The following LIPF variants were observed in gnomAD, a reference collection of about 807,000 sequenced individuals.
LIPF encodes lipase F, gastric type, also known as gastric triacylglycerol lipase.
A neutral mutation model predicts 38.0 loss-of-function variants in LIPF; 25 were observed. The ratio of observed to expected loss-of-function variants is 0.66; its 90% confidence interval spans 0.48 to 0.92. The LOEUF (loss-of-function observed/expected upper bound fraction) is 0.92, where lower values mean the gene tolerates loss of function less well. Among genes scored for constraint, LIPF ranks in the 40% least tolerant of loss-of-function variants. LIPF has a pLI of 0.00. For synonymous variants in LIPF, 161 were observed against 156.2 expected (o/e 1.03, Z -0.23); for missense variants, 410 against 469.9 (o/e 0.87, Z 1.18).
chr10:88,670,724 CG>C (rs1841583332), intron 5 of LIPF, among the ~76,000 whole-genome samples: 2 of 152,228 alleles, frequency 1.3e-5, no homozygotes, highest in Admixed American at 1.3e-4. Context: ...AAAGACTGTT[CG>C]GGGCTCTTTG....
chr10:88,673,704 T>C lies in LIPF; in HGVS notation c.786T>C (p.Ile262=), dbSNP rs1169887427. 6.2e-7 allele frequency: 1 copy of C among 1,613,568 alleles called. No individual in the cohort carries two copies. Among genetic ancestry groups the C allele is most frequent in the Non-Finnish European group, 8.5e-7 (1 of 1,179,628 alleles). Residue 262 remains isoleucine (I), a synonymous_variant, in exon 7 of 10, where the codon ATT becomes ATC. Coordinates refer to ENST00000238983, the MANE Select transcript of LIPF (RefSeq NM_004190.4). ...NLLCSNALFI[I]CGFDSKNFNT... ...TTTGCAGCAATGCCTTATTTATAATTTGTGGATTTGACAGTAAGAACTTTA... is the reference window on the plus strand; with the variant it reads ...TTTGCAGCAATGCCTTATTTATAATCTGTGGATTTGACAGTAAGAACTTTA...
At chr10:88,666,028 C>T (rs17333747) in intron 1 of LIPF, among the ~76,000 whole-genome samples, 296 of 152,232 alleles carry the variant, frequency 1.9e-3, no homozygotes, top group African/African-American at 6.8e-3. Flanking sequence ...TGAGCTACCG[C>T]GCTCTGCCAA....
chr10:88,668,147 G>A (rs532886471), intron 3 of LIPF, among the ~76,000 whole-genome samples: 2 of 151,882 alleles, frequency 1.3e-5, no homozygotes, highest in Non-Finnish European at 2.9e-5. Flanking sequence ...AACACATACA[G>A]GCTAATTTTC....
chr10:88,671,172 G>A (rs1025489637), intron 5 of LIPF, among the ~76,000 whole-genome samples: 12 of 152,070 alleles, frequency 7.9e-5, no homozygotes, highest in African/African-American at 2.4e-4. Flanking sequence ...ACTATGTATA[G>A]ATATTTGAAT....
chr10:88,676,638 A>C (rs1432445), intron 9 of LIPF, among the ~76,000 whole-genome samples: 78,745 of 152,094 alleles, frequency 0.52, 21,744 homozygotes, highest in African/African-American at 0.71. Context: ...CTGTTCATGG[A>C]ATTTCTGGTC....
At position 88,671,840 on chromosome 10, in the gene LIPF, T is replaced by G. The variant is rs750654714; in HGVS notation, c.544T>G (p.Phe182Val). Residue 182 changes from phenylalanine (F) to valine (V), a missense_variant, in exon 6 of 10, where the codon TTT (phenylalanine) becomes GTT (valine). Coordinates refer to ENST00000238983, the MANE Select transcript of LIPF (RefSeq NM_004190.4). ...TTGTTCTTTTTCAGGTTTTATTGCCTTTTCCACCAATCCCAGCCTGGCTAA... is the reference window on the plus strand; with the variant it reads ...TTGTTCTTTTTCAGGTTTTATTGCCGTTTCCACCAATCCCAGCCTGGCTAA... ...SQGTTIGFIAFSTNPSLAKRI... is the reference protein window; with the variant it reads ...SQGTTIGFIAVSTNPSLAKRI... 11 of 1,610,784 alleles carry G rather than the reference T, an allele frequency of 6.8e-6. No individual in the cohort carries two copies. The East Asian group carries it at 2.5e-4, about 36-fold the overall frequency.
chr10:88,666,213 T>C, intron 1 of LIPF, among the ~76,000 whole-genome samples: 1 of 152,214 alleles, frequency 6.6e-6, no homozygotes, highest in East Asian at 1.9e-4. Context: ...CTTGAAATAT[T>C]ATCAGCAACT....
Position 88,668,738 on chromosome 10 carries a change from T to G in LIPF, c.404T>G (p.Val135Gly). 6.2e-7 allele frequency: 1 copy of G among 1,613,898 alleles called. No individual in the cohort carries two copies. The highest frequency in any genetic ancestry group is 1.3e-5 in the African/African-American group (1 of 75,050). ...AACTTGTACTATTCACCAGATTCAGTTGAATTCTGGGCTTTCAGGTAAACA... is the reference window on the plus strand; with the variant it reads ...AACTTGTACTATTCACCAGATTCAGGTGAATTCTGGGCTTTCAGGTAAACA... Reference protein sequence around the residue: ...RRNLYYSPDSVEFWAFSFDEM... With the variant: ...RRNLYYSPDSGEFWAFSFDEM... The change falls in exon 4 of 10, where the codon GTT becomes GGT. Residue 135 changes from valine (V) to glycine (G), a missense_variant. Val to Gly is a moderately radical substitution (Grantham distance 109). Coordinates refer to ENST00000238983, the MANE Select transcript of LIPF (RefSeq NM_004190.4).
intron 1 of LIPF, among the ~76,000 whole-genome samples, chr10:88,666,277 A>T (rs1489534366): frequency 2.6e-5 from 4 of 152,204 alleles, no homozygotes; most frequent in African/African-American, 9.6e-5. Context: ...TCCAAATATT[A>T]CACATTCTTC....
intron 6 of LIPF, 33 bp from the exon 7 acceptor site, chr10:88,673,555 C>A (rs1841636379): frequency 5.8e-6 from 9 of 1,564,374 alleles, no homozygotes; most frequent in African/African-American, 1.4e-5. Context: ...AGCTTGATTG[C>A]TACAACCCTC....
intron 8 of LIPF, 104 bp downstream of exon 8, chr10:88,675,761 T>C: frequency 1.4e-6 from 1 of 704,710 alleles, no homozygotes. Context: ...ACCTGGAAGG[T>C]AATTTTTCTG....
In LIPF at chr10:88,669,870, C is replaced by T. The variant is rs778759838; in HGVS notation, c.456C>T (p.Ala152=). The T allele has an allele frequency of 1.2e-6, 2 of 1,613,218 alleles. No individual in the cohort carries two copies. The highest frequency in any genetic ancestry group is 1.3e-5 in the African/African-American group (1 of 74,882). Residue 152 remains alanine, a synonymous_variant, in exon 5 of 10, where the codon GCC becomes GCT. Transcript: ENST00000238983. Reference sequence around the variant, plus strand: ...AAATGGCTAAATATGACCTTCCAGCCACAATCGACTTCATTGTAAAGAAAA... The same window carrying T: ...AAATGGCTAAATATGACCTTCCAGCTACAATCGACTTCATTGTAAAGAAAA... The part of the protein sequence containing the change: ...FDEMAKYDLP[A]TIDFIVKKTG...
chr10:88,665,737 A>ATTTTTTTTTTTT (rs68081693), intron 1 of LIPF, among the ~76,000 whole-genome samples: 25 of 100,236 alleles, frequency 2.5e-4, no homozygotes, highest in African/African-American at 7.0e-4. Flanking sequence ...TTAAAAACTG[A>ATTTTTTTTTTTT]TTTTTTTTTT....
At chr10:88,676,100 G>A (rs1841681966) in intron 8 of LIPF, 109 bp from the exon 9 acceptor site, 1 of 634,940 alleles carries the variant, frequency 1.6e-6, no homozygotes, top group Non-Finnish European at 2.6e-6. Flanking sequence ...TGAGAAAAAT[G>A]TTTCTTAATA....
At chr10:88,676,327 T>A in intron 9 of LIPF, 47 bp downstream of exon 9, 2 of 1,119,798 alleles carry the variant, frequency 1.8e-6, no homozygotes, top group Non-Finnish European at 2.7e-6. Flanking sequence ...ACAACAATAC[T>A]AACTATTTAA....
At chr10:88,676,332 AT>A (rs1369232844) in intron 9 of LIPF, 52 bp downstream of exon 9, 1 of 1,085,010 alleles carries the variant, frequency 9.2e-7, no homozygotes. Context: ...AATACTAACT[AT>A]TTAAATGTTA....
chr10:88,677,954 T>A (rs372986464), intron 9 of LIPF, among the ~76,000 whole-genome samples: 6 of 152,288 alleles, frequency 3.9e-5, no homozygotes, highest in African/African-American at 1.4e-4. Flanking sequence ...AACTGGGAAG[T>A]CAATACAAAG....
intron 1 of LIPF, chr10:88,665,706 C>G (rs957593169): frequency 3.6e-6 from 2 of 559,014 alleles, no homozygotes; most frequent in Non-Finnish European, 6.4e-6. Context: ...CCTAAAATAT[C>G]ACGGTAAAAA....
At chr10:88,665,587 G>C in intron 1 of LIPF, 3 of 1,519,822 alleles carry the variant, frequency 2.0e-6, no homozygotes, top group Non-Finnish European at 2.6e-6. Flanking sequence ...ACTTTACAAT[G>C]GCAAATCACT....
Sources: allele counts gnomAD v4.1 joint callset (sites outside exome capture counted in the v4.1 genomes callset), GRCh38; gene constraint gnomAD v4.1.1; transcripts MANE v1.5; gene names NCBI Gene and HGNC (gene_info 2026-07-23, HGNC 2026-07-21).